The following DMXL1 variants were observed in gnomAD, a reference collection of about 807,000 sequenced individuals.
DMXL1 encodes the protein dmX-like protein 1.
A neutral mutation model predicts 319.2 loss-of-function variants in DMXL1; 99 were observed. The ratio of observed to expected loss-of-function variants is 0.31; its 90% CI spans 0.26 to 0.37. The LOEUF (loss-of-function observed/expected upper bound fraction) is 0.37, where lower values mean the gene tolerates loss of function less well. DMXL1 is among the 10% of genes least tolerant of loss of function. The probability of loss-of-function intolerance (pLI) is 1.00; values close to 1 mark genes in which losing one functional copy is unlikely to be tolerated. For missense variants in DMXL1, 3,745 were observed against 3,595.6 expected (o/e 1.04, Z -1.06); for synonymous variants, 1,385 against 1,235.2 (o/e 1.12, Z -2.54).
intron 33 of DMXL1, 79 bp from the exon 34 acceptor site, chr5:119,206,755 C>A: frequency 1.2e-6 from 1 of 836,202 alleles, no homozygotes; most frequent in Non-Finnish European, 1.8e-6. Flanking sequence ...TAAAATATAG[C>A]ATTGAAACAA....
intron 13 of DMXL1, among the ~76,000 whole-genome samples, chr5:119,143,578 C>A (rs1767884600): frequency 6.6e-6 from 1 of 151,924 alleles, no homozygotes; most frequent in Non-Finnish European, 1.5e-5. Context: ...CAATTTTTCA[C>A]ATTTATGGAT....
chr5:119,099,315 A>G (rs547761049), intron 2 of DMXL1, among the ~76,000 whole-genome samples: 1 of 152,034 alleles, frequency 6.6e-6, no homozygotes, highest in African/African-American at 2.4e-5. Context: ...GGTTCAAGCA[A>G]TTCTCCTGCC....
intron 38 of DMXL1, among the ~76,000 whole-genome samples, chr5:119,229,569 C>A (rs1371109913): frequency 2.0e-5 from 3 of 152,126 alleles, no homozygotes; most frequent in Non-Finnish European, 4.4e-5. Context: ...TCCTCTTTCC[C>A]AATATGGAAC....
intron 38 of DMXL1, among the ~76,000 whole-genome samples, chr5:119,227,020 C>T (rs1785707139): frequency 6.6e-6 from 1 of 152,130 alleles, no homozygotes; most frequent in African/African-American, 2.4e-5. Flanking sequence ...TAATCTCCAG[C>T]TCCCTTTCCC....
chr5:119,129,559 A>G (rs562249068), intron 10 of DMXL1, 136 bp downstream of exon 10: 9 of 635,862 alleles, frequency 1.4e-5, no homozygotes, highest in African/African-American at 1.3e-4. Context: ...AGCTCATTTA[A>G]TAATCTAATG....
chr5:119,165,108 C>T (rs1243039478), intron 20 of DMXL1, 75 bp from the exon 21 acceptor site: 4 of 846,618 alleles, frequency 4.7e-6, no homozygotes, highest in African/African-American at 3.4e-5. Flanking sequence ...GGATATGTGC[C>T]AGCCTTTCAT....
intron 39 of DMXL1, 93 bp downstream of exon 39, chr5:119,233,560 G>A (rs1474712461): frequency 4.0e-6 from 4 of 997,640 alleles, no homozygotes; most frequent in Non-Finnish European, 4.5e-6. Context: ...CAGCTCCGTG[G>A]GTAGTAGTAA....
intron 39 of DMXL1, among the ~76,000 whole-genome samples, chr5:119,235,316 A>G (rs568101889): frequency 6.6e-6 from 1 of 152,158 alleles, no homozygotes; most frequent in Non-Finnish European, 1.5e-5. Flanking sequence ...CAACAAGAAC[A>G]TGCTAGCATT....
chr5:119,123,183 A>G (rs987473218), intron 9 of DMXL1, among the ~76,000 whole-genome samples: 1 of 151,976 alleles, frequency 6.6e-6, no homozygotes, highest in Admixed American at 6.5e-5. Context: ...CGCGCCTGCA[A>G]TCGCAGGCAC....
chr5:119,154,855 T>A (rs1052455694), intron 19 of DMXL1: 1 of 152,346 alleles, frequency 6.6e-6, no homozygotes, highest in South Asian at 2.1e-4. Context: ...ACAGACTGAC[T>A]CTTGTTAGGG....
intron 1 of DMXL1, among the ~76,000 whole-genome samples, chr5:119,095,523 A>G (rs987766622): frequency 1.3e-5 from 2 of 152,250 alleles, no homozygotes; most frequent in African/African-American, 4.8e-5. Flanking sequence ...GAAATTAGGT[A>G]GATAATTTCA....
intron 32 of DMXL1, among the ~76,000 whole-genome samples, chr5:119,201,962 C>CT (rs1050734682): frequency 2.6e-5 from 4 of 151,950 alleles, no homozygotes; most frequent in African/African-American, 4.8e-5. Context: ...TCTCTCTTTT[C>CT]TTTTTTATTA....
At chr5:119,239,522 T>C (rs909673017) in intron 41 of DMXL1, among the ~76,000 whole-genome samples, 1 of 152,230 alleles carries the variant, frequency 6.6e-6, no homozygotes, top group African/African-American at 2.4e-5. Flanking sequence ...CCTGTTAATG[T>C]ATGTCAGTCC....
chr5:119,177,421 T>C lies in DMXL1; in HGVS notation c.6823T>C (p.Ser2275Pro), dbSNP rs1776016675. The stretch of plus-strand genomic sequence containing the variant: ...GACAGTACTGCTTCCTCATCGACCT[T>C]CTTTGAAAACAGGAAGCTTAGATGA... Reference protein sequence around the residue: ...YQTVLLPHRPSLKTGSLDEAL... With the variant: ...YQTVLLPHRPPLKTGSLDEAL... The change falls in exon 27 of 44, where the codon TCT becomes CCT. Residue 2275 changes from serine to proline, a missense_variant. Coordinates refer to ENST00000539542, the MANE Select transcript of DMXL1 (RefSeq NM_001290321.3). 6.2e-7 allele frequency: 1 copy of C among 1,609,532 alleles called. No homozygotes were observed. Among genetic ancestry groups the C allele is most frequent in the Non-Finnish European group, 8.5e-7 (1 of 1,177,172 alleles).
intron 23 of DMXL1, among the ~76,000 whole-genome samples, chr5:119,168,690 C>G (rs1004708943): frequency 6.6e-6 from 1 of 151,960 alleles, no homozygotes; most frequent in African/African-American, 2.4e-5. Context: ...AATGCCTTTT[C>G]CAGCCACTTT....
intron 20 of DMXL1, 79 bp downstream of exon 20, chr5:119,164,755 C>G (rs1051215059): frequency 7.9e-7 from 1 of 1,264,776 alleles, no homozygotes; most frequent in Non-Finnish European, 1.1e-6. Context: ...ATCTTCTCTG[C>G]CATTACTCCC....
intron 34 of DMXL1, 66 bp from the exon 35 acceptor site, chr5:119,216,835 T>G: frequency 1.2e-6 from 1 of 800,718 alleles, no homozygotes. Flanking sequence ...ATTGATAGAT[T>G]GGCATATATT....
At chr5:119,137,351 GCAGAAGGGAGTTCCCTTGTCT>G (rs1251293985) in intron 13 of DMXL1, among the ~76,000 whole-genome samples, 1 of 152,210 alleles carries the variant, frequency 6.6e-6, no homozygotes, top group Non-Finnish European at 1.5e-5. Flanking sequence ...AGGCTCATAG[GCAGAAGGGAGTTCCCTTGTCT>G]CAGATGATAC....
At chr5:119,192,734 C>A (rs1360239173) in intron 29 of DMXL1, among the ~76,000 whole-genome samples, 2 of 151,958 alleles carry the variant, frequency 1.3e-5, no homozygotes, top group South Asian at 4.1e-4. Flanking sequence ...TTTTCTTAAA[C>A]TTACTATTTA....
Sources: gnomAD v4.1 joint callset for allele counts (sites outside exome capture counted in the v4.1 genomes callset) on GRCh38, gnomAD v4.1.1 for gene constraint, MANE v1.5 for transcripts, NCBI Gene and HGNC (gene_info 2026-07-23, HGNC 2026-07-21) for gene names.